Variants in DDHD1 observed in about 807,000 individuals in gnomAD.
The protein encoded by DDHD1 is phospholipase DDHD1.
Under a neutral mutation model 96.4 loss-of-function variants are expected in DDHD1, and 49 were observed. The observed-to-expected ratio is 0.51, with a 90% CI of 0.40 to 0.64. The LOEUF (loss-of-function observed/expected upper bound fraction) is 0.64, where lower values mean the gene tolerates loss of function less well. Ranked by LOEUF, DDHD1 falls within the 30% of genes least tolerant of loss-of-function variation. DDHD1 has a pLI of 0.00. For synonymous variants in DDHD1, 442 were observed against 446.5 expected, an observed-to-expected ratio of 0.99 and a Z score of 0.13; for missense variants, 1,106 against 1,161.2, an observed-to-expected ratio of 0.95 and a Z score of 0.69.
Position 53,038,131 on chromosome 14 carries a change from G to A in DDHD1, c.*8637C>T, listed in dbSNP as rs1251808366. 6.6e-6 allele frequency: 1 copy of A among 152,054 alleles called. No individual in the cohort carries two copies. Among genetic ancestry groups the A allele is most frequent in the African/African-American group, 2.4e-5 (1 of 41,412 alleles). The allele number at this position is 152,054 out of a possible 1,614,324, so 9.4% of individuals were successfully genotyped here. A position where few individuals can be genotyped will look rare whatever the true frequency, so the allele number is the denominator to read the frequency against. On this transcript the variant is annotated 3_prime_UTR_variant, in exon 13 of 13. Transcript: ENST00000673822. ...CTGGAACTATTCCTTCTGAGAACTG[G>A]AATAAGAAGAGGATGCCCAGTCTCA...
chr14:53,042,914 T>C lies in DDHD1; in HGVS notation c.*3854A>G, dbSNP rs1881752571. The C allele has an allele frequency of 6.6e-6, 1 of 152,232 alleles. No individual in the cohort carries two copies. The highest frequency in any genetic ancestry group is 2.4e-5 in the African/African-American group (1 of 41,464). 9.4% of individuals were successfully genotyped at this position (152,232 alleles called of 1,614,324 possible). Reference sequence around the variant, plus strand: ...TTTTAATACATACACTCAAATTAGTTTTCTCGATTGTCCACATGCCTTACT... The same window carrying C: ...TTTTAATACATACACTCAAATTAGTCTTCTCGATTGTCCACATGCCTTACT... On this transcript the variant is annotated 3_prime_UTR_variant, in exon 13 of 13. Coordinates refer to ENST00000673822, the MANE Select transcript of DDHD1 (RefSeq NM_001160148.2).
At chr14:53,075,933 C>T (rs533631924) in intron 4 of DDHD1, among the ~76,000 whole-genome samples, 33 of 152,072 alleles carry the variant, frequency 2.2e-4, no homozygotes, top group African/African-American at 8.0e-4. Flanking sequence ...AGACCTACTG[C>T]TCAGAAAAAA....
chr14:53,152,756 A>T lies in DDHD1; in HGVS notation c.343T>A (p.Leu115Met). The T allele has an allele frequency of 6.6e-7, 1 of 1,525,824 alleles. No homozygotes were observed. The highest frequency in any genetic ancestry group is 8.8e-7 in the Non-Finnish European group (1 of 1,138,464). 94.5% of individuals were successfully genotyped at this position (1,525,824 alleles called of 1,614,324 possible). A position where few individuals can be genotyped will look rare whatever the true frequency, so the allele number is the denominator to read the frequency against. Reference sequence around the variant, plus strand: ...GGCTGCTGCGGCGGGTGCAGCGACAAGGAGCTGCCGCCGCCGCCGCTCTCA... The same window carrying T: ...GGCTGCTGCGGCGGGTGCAGCGACATGGAGCTGCCGCCGCCGCCGCTCTCA... Reference protein sequence around the residue: ...EGESGGGGSSLSLHPPQQPPL... With the variant: ...EGESGGGGSSMSLHPPQQPPL... Residue 115 changes from leucine to methionine, a missense_variant, in exon 1 of 13, where the codon TTG (leucine) becomes ATG (methionine). Leu to Met is a conservative substitution (Grantham distance 15). Coordinates refer to ENST00000673822, the MANE Select transcript of DDHD1 (RefSeq NM_001160148.2).
At chr14:53,059,284 A>G (rs560688015) in intron 8 of DDHD1, among the ~76,000 whole-genome samples, 42 of 152,028 alleles carry the variant, frequency 2.8e-4, no homozygotes, top group Non-Finnish European at 4.1e-4. Context: ...TCGCTCTGTC[A>G]CCCAGGCTGG....
At chr14:53,116,205 G>C (rs1227870841) in intron 1 of DDHD1, among the ~76,000 whole-genome samples, 1 of 152,166 alleles carries the variant, frequency 6.6e-6, no homozygotes, top group Non-Finnish European at 1.5e-5. Flanking sequence ...CCCAATACGG[G>C]AGCACCCAGA....
chr14:53,082,115 G>C (rs1885518673), intron 4 of DDHD1, among the ~76,000 whole-genome samples: 1 of 152,126 alleles, frequency 6.6e-6, no homozygotes, highest in African/African-American at 2.4e-5. Context: ...CTATACCTCA[G>C]ACAATGACCC....
chr14:53,051,173 G>A (rs931878261), intron 12 of DDHD1, among the ~76,000 whole-genome samples: 11 of 151,104 alleles, frequency 7.3e-5, no homozygotes. Context: ...CCTGTAACGT[G>A]TTTTGTCAAA....
At chr14:53,066,769 C>T (rs1026723968) in intron 6 of DDHD1, among the ~76,000 whole-genome samples, 2 of 151,992 alleles carry the variant, frequency 1.3e-5, no homozygotes, top group African/African-American at 4.8e-5. Flanking sequence ...GAGTTCAAGA[C>T]CAGCCTGGGC....
At chr14:53,111,273 T>C (rs1427719022) in intron 1 of DDHD1, among the ~76,000 whole-genome samples, 1 of 152,258 alleles carries the variant, frequency 6.6e-6, no homozygotes, top group African/African-American at 2.4e-5. Context: ...TAATGCACTG[T>C]TGCCATCAAA....
intron 12 of DDHD1, among the ~76,000 whole-genome samples, chr14:53,051,534 C>A (rs149404204): frequency 6.6e-6 from 1 of 152,016 alleles, no homozygotes; most frequent in East Asian, 1.9e-4. Flanking sequence ...AAATAGCAAA[C>A]CTCTTTGGAG....
chr14:53,101,240 G>T (rs1887271464), intron 2 of DDHD1, among the ~76,000 whole-genome samples: 1 of 152,024 alleles, frequency 6.6e-6, no homozygotes, highest in South Asian at 2.1e-4. Context: ...CCCGACAATG[G>T]TAGCTTTTTG....
At chr14:53,058,335 G>C (rs1883244553) in intron 9 of DDHD1, 142 bp downstream of exon 9, 5 of 899,740 alleles carry the variant, frequency 5.6e-6, no homozygotes, top group Non-Finnish European at 8.3e-6. Context: ...GGCTGGTCTT[G>C]AACTCCTGAC....
rs528793166 is a variant in DDHD1 at position 53,142,217 on chromosome 14, A to G, written c.838+10044T>C. The stretch of plus-strand genomic sequence containing the variant: ...GGAATTTGACAACAAAGATCTGTGT[A>G]TCTGTTCCCACATGGTTTTTATTGC... On this transcript the variant is annotated intron_variant, in intron 1 of 12. Transcript: ENST00000673822. Among the ~76,000 whole-genome samples the G allele has an allele frequency of 1.4e-4, 22 of 152,360 alleles. No homozygotes were observed. The Middle Eastern group carries it at 0.01, about 71-fold the overall frequency.
At chr14:53,115,443 A>T (rs1328528705) in intron 1 of DDHD1, among the ~76,000 whole-genome samples, 1 of 152,214 alleles carries the variant, frequency 6.6e-6, no homozygotes, top group East Asian at 1.9e-4. Flanking sequence ...TCCAAGGCTG[A>T]AACAAAGGAA....
chr14:53,140,631 TAAAC>T (rs1890582977), intron 1 of DDHD1, among the ~76,000 whole-genome samples: 1 of 151,960 alleles, frequency 6.6e-6, no homozygotes, highest in Non-Finnish European at 1.5e-5. Context: ...AGAGAATCAT[TAAAC>T]AAAATCCAAT....
At chr14:53,058,752 A>G (rs1883285096) in intron 8 of DDHD1, 126 bp from the exon 9 acceptor site, 2 of 836,802 alleles carry the variant, frequency 2.4e-6, no homozygotes, top group South Asian at 2.1e-5. Context: ...TTCGTTTTTA[A>G]TAAGAGTTAT....
intron 1 of DDHD1, among the ~76,000 whole-genome samples, chr14:53,133,212 G>A (rs554558220): frequency 6.6e-6 from 1 of 152,248 alleles, no homozygotes; most frequent in African/African-American, 2.4e-5. Context: ...TCAAGCTCGG[G>A]GATTTGCCCC....
At chr14:53,100,161 A>G (rs1028649357) in intron 2 of DDHD1, among the ~76,000 whole-genome samples, 5 of 152,202 alleles carry the variant, frequency 3.3e-5, no homozygotes. Context: ...TATCATAAAT[A>G]ATCTAGATAT....
intron 4 of DDHD1, among the ~76,000 whole-genome samples, chr14:53,080,186 C>T (rs1223818130): frequency 6.6e-6 from 1 of 152,122 alleles, no homozygotes; most frequent in Non-Finnish European, 1.5e-5. Flanking sequence ...ATGGTGAAAT[C>T]CCAACTCTAC....
Sources: allele counts gnomAD v4.1 joint callset (sites outside exome capture counted in the v4.1 genomes callset), GRCh38; gene constraint gnomAD v4.1.1; transcripts MANE v1.5; gene names NCBI Gene and HGNC (gene_info 2026-07-23, HGNC 2026-07-21).